Variants in SDK1 observed in about 807,000 individuals in gnomAD.
The protein encoded by SDK1 is protein sidekick-1.
Under a neutral mutation model 245.5 loss-of-function variants are expected in SDK1, and 157 were observed. The observed-to-expected ratio is 0.64, with a 90% CI of 0.56 to 0.73. The LOEUF is 0.73. SDK1 is among the 30% of genes least tolerant of loss of function. The pLI is 0.00. For synonymous variants in SDK1, 1,647 were observed against 1,278.5 expected (o/e 1.29, Z -6.15); for missense variants, 3,583 against 3,002.3 (o/e 1.19, Z -4.52).
rs535556474 is a variant in SDK1, at chr7:3,544,579, C to G, written c.299-74501C>G. ...TTTAGATTTTAAAATGTCATTGATTCTAGATTTTAACATCTACAAGTTCAA... is the reference window on the plus strand; with the variant it reads ...TTTAGATTTTAAAATGTCATTGATTGTAGATTTTAACATCTACAAGTTCAA... On this transcript the variant is annotated intron_variant, in intron 1 of 44. Coordinates refer to ENST00000404826, the MANE Select transcript of SDK1 (RefSeq NM_152744.4). Among the ~76,000 whole-genome samples the G allele has an allele frequency of 3.0e-3, 452 of 152,330 alleles. 3 individuals carry two copies. Among genetic ancestry groups the G allele is most frequent in the African/African-American group, 0.011 (437 of 41,570 alleles).
intron 1 of SDK1, among the ~76,000 whole-genome samples, chr7:3,366,395 T>A (rs1781092321): frequency 6.6e-6 from 1 of 152,134 alleles, no homozygotes; most frequent in South Asian, 2.1e-4. Context: ...ATTACTCCAT[T>A]ATAGCACATA....
At position 4,227,943 on chromosome 7, in the gene SDK1, G is replaced by T. The variant is rs574668388; in HGVS notation, c.5828-5312G>T. ...GACTCATTCTGTCGGCTGGAGACAA[G>T]CATGGATGGATAGCAGAACCTATTT... On this transcript the variant is annotated intron_variant, in intron 40 of 44. Coordinates refer to ENST00000404826, the MANE Select transcript of SDK1 (RefSeq NM_152744.4). Among the ~76,000 whole-genome samples, 14 of 152,340 alleles carry T rather than the reference G, an allele frequency of 9.2e-5. No individual in the cohort carries two copies. In the East Asian group the frequency reaches 2.7e-3, roughly 29 times the overall value.
intron 1 of SDK1, among the ~76,000 whole-genome samples, chr7:3,358,033 T>TG (rs1562438242): frequency 6.6e-6 from 1 of 152,138 alleles, no homozygotes; most frequent in African/African-American, 2.4e-5. Context: ...TCTTTTTTTT[T>TG]GGGGGATGGA....
Position 4,248,194 on chromosome 7 carries a change from G to A in SDK1, c.6381+2389G>A, listed in dbSNP as rs80194647. On this transcript the variant is annotated intron_variant, in intron 44 of 44. Coordinates refer to ENST00000404826, the MANE Select transcript of SDK1 (RefSeq NM_152744.4). Reference sequence around the variant, plus strand: ...TATGTACATGTACACACATGTGCACGGACACATACACACCTGAATACATGC... The same window carrying A: ...TATGTACATGTACACACATGTGCACAGACACATACACACCTGAATACATGC... Among the ~76,000 whole-genome samples, 1,302 of 151,932 alleles carry A rather than the reference G, an allele frequency of 8.6e-3. 21 individuals are homozygous for A. Among genetic ancestry groups the A allele is most frequent in the African/African-American group, 0.03 (1,236 of 41,420 alleles).
chr7:3,529,117 T>C (rs2614952), intron 1 of SDK1, among the ~76,000 whole-genome samples: 90,708 of 151,970 alleles, frequency 0.6, 27,438 homozygotes, highest in South Asian at 0.78. Context: ...AGGGGAAAGA[T>C]TAAAAAGAAC....
chr7:3,477,645 G>C (rs549407972), intron 1 of SDK1, among the ~76,000 whole-genome samples: 2 of 151,098 alleles, frequency 1.3e-5, no homozygotes, highest in South Asian at 4.2e-4. Flanking sequence ...CTCCTTAGTA[G>C]CTGGGACTTC....
At chr7:4,239,825 TG>T (rs1181964732) in intron 42 of SDK1, among the ~76,000 whole-genome samples, 1 of 152,192 alleles carries the variant, frequency 6.6e-6, no homozygotes, top group Non-Finnish European at 1.5e-5. Flanking sequence ...CTTCTCTTTT[TG>T]GAAAGGCAGA....
At position 4,267,568 on chromosome 7, in the gene SDK1, A is replaced by G; in HGVS notation, c.*2184A>G. ...GAATTTCTTGGAAGAGAAGCGATAA[A>G]TGGAGACCATGGCCAGCGCTGCTTT... On this transcript the variant is annotated 3_prime_UTR_variant, in exon 45 of 45. Coordinates refer to ENST00000404826, the MANE Select transcript of SDK1 (RefSeq NM_152744.4). 1.0e-6 allele frequency: 1 copy of G among 985,456 alleles called. No individual in the cohort carries two copies. Among genetic ancestry groups the G allele is most frequent in the South Asian group, 4.7e-5 (1 of 21,288 alleles). 61.0% of individuals were successfully genotyped at this position (985,456 alleles called of 1,614,324 possible).
rs565314400 is a variant in SDK1 at position 3,872,078 on chromosome 7, T to C, written c.847+50495T>C. ...TTGTTTTGTTTTTTCTTATTTAGTC[T>C]GTTAATTTGGTGAATTGCATAGATT... On this transcript the variant is annotated intron_variant, in intron 5 of 44. Transcript: ENST00000404826. Among the ~76,000 whole-genome samples the C allele has an allele frequency of 1.1e-3, 169 of 152,338 alleles. 1 individual carries two copies. Among genetic ancestry groups the C allele is most frequent in the African/African-American group, 4.0e-3 (165 of 41,580 alleles).
intron 4 of SDK1, among the ~76,000 whole-genome samples, chr7:3,667,419 C>G (rs1342965814): frequency 1.3e-5 from 2 of 152,204 alleles, no homozygotes; most frequent in African/African-American, 4.8e-5. Context: ...TACCCTGAGG[C>G]TTTTCTATTC....
intron 4 of SDK1, among the ~76,000 whole-genome samples, chr7:3,753,784 G>A (rs1310168906): frequency 6.6e-6 from 1 of 152,164 alleles, no homozygotes; most frequent in East Asian, 1.9e-4. Flanking sequence ...AGTATGTACA[G>A]CCAATAATAC....
chr7:4,123,996 T>G (rs1322909526), intron 25 of SDK1, among the ~76,000 whole-genome samples: 1 of 152,148 alleles, frequency 6.6e-6, no homozygotes, highest in East Asian at 1.9e-4. Flanking sequence ...CAGGGTGTGG[T>G]GAGGGTTGCG....
At chr7:3,745,629 C>A (rs2115058022) in intron 4 of SDK1, among the ~76,000 whole-genome samples, 1 of 152,240 alleles carries the variant, frequency 6.6e-6, no homozygotes, top group East Asian at 1.9e-4. Context: ...AGATGTGCAA[C>A]TGATCCGCCA....
At chr7:4,020,655 G>A (rs969517493) in intron 17 of SDK1, among the ~76,000 whole-genome samples, 6 of 152,166 alleles carry the variant, frequency 3.9e-5, no homozygotes, top group African/African-American at 4.8e-5. Flanking sequence ...TGGTGGGGGC[G>A]CAGTGAGCGT....
chr7:4,212,843 G>A (rs1161587073), intron 38 of SDK1, among the ~76,000 whole-genome samples: 1 of 152,186 alleles, frequency 6.6e-6, no homozygotes, highest in East Asian at 1.9e-4. Context: ...CTAATCAAAG[G>A]CAGCTCAGGT....
At chr7:3,917,443 A>T (rs189975534) in intron 5 of SDK1, among the ~76,000 whole-genome samples, 1 of 152,138 alleles carries the variant, frequency 6.6e-6, no homozygotes, top group Non-Finnish European at 1.5e-5. Flanking sequence ...ATTCCCCAAG[A>T]CACGGGCTGC....
chr7:3,440,876 A>T (rs1034335592), intron 1 of SDK1, among the ~76,000 whole-genome samples: 8 of 152,188 alleles, frequency 5.3e-5, no homozygotes, highest in Non-Finnish European at 1.2e-4. Flanking sequence ...ATACGAACCA[A>T]AAAGATGTTC....
At chr7:4,085,276 CAG>C (rs1584076409) in intron 22 of SDK1, among the ~76,000 whole-genome samples, 1 of 152,154 alleles carries the variant, frequency 6.6e-6, no homozygotes, top group South Asian at 2.1e-4. Flanking sequence ...GTATGACTAA[CAG>C]AGACTACTGA....
In SDK1 at chr7:4,214,980, G is replaced by GC. The variant is rs1248894624; in HGVS notation, c.5539+4824dup. 3.9e-5 allele frequency among the ~76,000 whole-genome samples: 6 copies of GC among 152,180 alleles called. No homozygotes were observed. In the East Asian group the frequency reaches 5.8e-4, roughly 15 times the overall value. ...CCCTCGGGCAGGACTCAGCAACCCT[G>GC]CCCCCCAGTGCCACCCAGGTGGACC... On this transcript the variant is annotated intron_variant, in intron 38 of 44. Coordinates refer to ENST00000404826, the MANE Select transcript of SDK1 (RefSeq NM_152744.4).
Sources: gnomAD v4.1 joint callset for allele counts (sites outside exome capture counted in the v4.1 genomes callset) on GRCh38, gnomAD v4.1.1 for gene constraint, MANE v1.5 for transcripts, NCBI Gene and HGNC (gene_info 2026-07-23, HGNC 2026-07-21) for gene names.